VWC2L: variants seen among roughly 807,000 people sequenced by gnomAD.
VWC2L encodes the protein von Willebrand factor C domain-containing protein 2-like.
VWC2L carries 10 observed loss-of-function variants against 21.6 expected under a neutral mutation model. The ratio of observed to expected loss-of-function variants is 0.46; its 90% CI spans 0.29 to 0.78. VWC2L has a LOEUF of 0.78. Among genes scored for constraint, VWC2L ranks in the 30% least tolerant of loss-of-function variants. The pLI is 0.10. For missense variants in VWC2L, 209 were observed against 277.1 expected, an observed-to-expected ratio of 0.75 and a Z score of 1.74; for synonymous variants, 96 against 94.3, an observed-to-expected ratio of 1.02 and a Z score of -0.10.
At chr2:214,462,254 G>T (rs1219859240) in intron 3 of VWC2L, among the ~76,000 whole-genome samples, 2 of 152,118 alleles carry the variant, frequency 1.3e-5, no homozygotes, top group Non-Finnish European at 2.9e-5. Context: ...GGGCCCACAG[G>T]GGGCAAGGGC....
chr2:214,459,779 A>G (rs1022199248), intron 3 of VWC2L, among the ~76,000 whole-genome samples: 6 of 152,070 alleles, frequency 3.9e-5, no homozygotes, highest in African/African-American at 1.4e-4. Flanking sequence ...TTCTGAATAT[A>G]CGATCCTATT....
At chr2:214,454,309 C>T (rs1703021334) in intron 3 of VWC2L, among the ~76,000 whole-genome samples, 1 of 151,966 alleles carries the variant, frequency 6.6e-6, no homozygotes, top group East Asian at 1.9e-4. Context: ...TCCCATACAA[C>T]GTTGAATAGA....
At chr2:214,417,224 A>G (rs189183694) in intron 2 of VWC2L, among the ~76,000 whole-genome samples, 200 of 152,292 alleles carry the variant, frequency 1.3e-3, no homozygotes, top group African/African-American at 4.6e-3. Context: ...TATTCATCCA[A>G]CAAGCATTTA....
intron 2 of VWC2L, among the ~76,000 whole-genome samples, chr2:214,429,097 A>G (rs900935517): frequency 2.6e-5 from 4 of 152,164 alleles, no homozygotes; most frequent in Admixed American, 6.5e-5. Flanking sequence ...TTCCCCAACC[A>G]TATGTGACCT....
intron 3 of VWC2L, among the ~76,000 whole-genome samples, chr2:214,462,323 G>C (rs1703155741): frequency 6.6e-6 from 1 of 152,208 alleles, no homozygotes; most frequent in African/African-American, 2.4e-5. Flanking sequence ...TACTTACCCT[G>C]TCCCTGCACT....
chr2:214,567,589 CACACACAG>C (rs1475846495), intron 3 of VWC2L, among the ~76,000 whole-genome samples: 3,192 of 133,806 alleles, frequency 0.024, 31 homozygotes, highest in African/African-American at 0.044. Context: ...CACACACACA[CACACACAG>C]AGAGAGAGAG....
At chr2:214,574,043 GAGGC>G (rs1690191899) in intron 3 of VWC2L, among the ~76,000 whole-genome samples, 1 of 152,240 alleles carries the variant, frequency 6.6e-6, no homozygotes, top group African/African-American at 2.4e-5. Context: ...CTGGGAGGCT[GAGGC>G]AGGAGAATTG....
intron 2 of VWC2L, among the ~76,000 whole-genome samples, chr2:214,434,999 T>G (rs533661690): frequency 7.1e-4 from 108 of 152,270 alleles, no homozygotes; most frequent in African/African-American, 2.5e-3. Flanking sequence ...AGTCCAAGTC[T>G]TTGCTGCATT....
At chr2:214,433,702 C>G (rs1263093696) in intron 2 of VWC2L, among the ~76,000 whole-genome samples, 2 of 152,180 alleles carry the variant, frequency 1.3e-5, no homozygotes, top group Non-Finnish European at 2.9e-5. Context: ...GCTGCACACT[C>G]CTAGTAACTT....
At chr2:214,536,182 A>G (rs1204453636) in intron 3 of VWC2L, among the ~76,000 whole-genome samples, 2 of 152,180 alleles carry the variant, frequency 1.3e-5, no homozygotes, top group African/African-American at 4.8e-5. Flanking sequence ...ATGTTGAATT[A>G]AAGATTTGAT....
At chr2:214,512,442 T>C (rs893890491) in intron 3 of VWC2L, among the ~76,000 whole-genome samples, 1 of 151,914 alleles carries the variant, frequency 6.6e-6, no homozygotes, top group African/African-American at 2.4e-5. Context: ...GCAGCAAAAA[T>C]AATTAATAGA....
At chr2:214,470,790 G>T (rs2126192627) in intron 3 of VWC2L, among the ~76,000 whole-genome samples, 1 of 152,008 alleles carries the variant, frequency 6.6e-6, no homozygotes, top group East Asian at 1.9e-4. Flanking sequence ...GCACATGCCT[G>T]TAATCCCAGC....
chr2:214,571,196 C>A (rs1291110796), intron 3 of VWC2L, among the ~76,000 whole-genome samples: 1 of 152,152 alleles, frequency 6.6e-6, no homozygotes, highest in Admixed American at 6.6e-5. Context: ...AGGATCCGGG[C>A]AAAGGAATAC....
Position 214,566,576 on chromosome 2 carries a change from A to T in VWC2L, c.521-9096A>T, listed in dbSNP as rs1032300001. Among the ~76,000 whole-genome samples, 4 of 152,152 alleles carry T rather than the reference A, an allele frequency of 2.6e-5. No individual in the cohort carries two copies. In the South Asian group the frequency reaches 8.3e-4, roughly 31 times the overall value. On this transcript the variant is annotated intron_variant, in intron 3 of 3. Coordinates refer to ENST00000312504, the MANE Select transcript of VWC2L (RefSeq NM_001080500.4). ...TCCTGCATCTTGCCACCTTAATCTA[A>T]GGAAGCTGTTTGTTTTTAGGTCTAA...
chr2:214,518,937 G>T (rs570520069), intron 3 of VWC2L, among the ~76,000 whole-genome samples: 1 of 152,100 alleles, frequency 6.6e-6, no homozygotes, highest in Non-Finnish European at 1.5e-5. Context: ...GCCCATCAAA[G>T]AGCATATTTG....
intron 3 of VWC2L, among the ~76,000 whole-genome samples, chr2:214,497,308 C>T (rs1211521764): frequency 1.3e-5 from 2 of 148,938 alleles, no homozygotes; most frequent in Non-Finnish European, 1.5e-5. Flanking sequence ...AAAACTATAG[C>T]TTCCCTTAAG....
intron 3 of VWC2L, among the ~76,000 whole-genome samples, chr2:214,484,267 G>A (rs1014839636): frequency 7.9e-5 from 12 of 152,146 alleles, no homozygotes; most frequent in African/African-American, 2.7e-4. Flanking sequence ...AAATTTGGGG[G>A]AGTACAAGAT....
chr2:214,451,463 T>A (rs932049842), intron 3 of VWC2L, among the ~76,000 whole-genome samples: 4 of 151,798 alleles, frequency 2.6e-5, no homozygotes, highest in Non-Finnish European at 2.9e-5. Context: ...TTGGAGAAGA[T>A]CTATGAATGC....
chr2:214,552,708 T>G (rs1158239531), intron 3 of VWC2L, among the ~76,000 whole-genome samples: 1 of 152,164 alleles, frequency 6.6e-6, no homozygotes, highest in African/African-American at 2.4e-5. Flanking sequence ...ATCTTCCTAT[T>G]ATATATTCTC....
Sources: allele counts gnomAD v4.1 joint callset (sites outside exome capture counted in the v4.1 genomes callset), GRCh38; gene constraint gnomAD v4.1.1; transcripts MANE v1.5; gene names NCBI Gene and HGNC (gene_info 2026-07-23, HGNC 2026-07-21).